The following STAC variants were observed in gnomAD, a reference collection of about 807,000 sequenced individuals.
The protein encoded by STAC is SH3 and cysteine rich domain.
A neutral mutation model predicts 48.8 loss-of-function variants in STAC; 43 were observed. That is an observed-to-expected ratio of 0.88 (90% confidence interval 0.69 to 1.14). The LOEUF is 1.14. Ranked by LOEUF, STAC falls within the 50% of genes most tolerant of loss-of-function variation. STAC has a pLI of 0.00. For synonymous variants in STAC, 193 were observed against 179.5 expected, an observed-to-expected ratio of 1.07 and a Z score of -0.60; for missense variants, 497 against 504.0, an observed-to-expected ratio of 0.99 and a Z score of 0.13.
At chr3:36,413,626 C>A (rs1700247159) in intron 1 of STAC, among the ~76,000 whole-genome samples, 1 of 152,148 alleles carries the variant, frequency 6.6e-6, no homozygotes. Flanking sequence ...GACTCTTTAT[C>A]CAATTTGCCA....
intron 1 of STAC, among the ~76,000 whole-genome samples, chr3:36,429,074 A>C (rs150541417): frequency 1.1e-3 from 169 of 152,310 alleles, no homozygotes; most frequent in African/African-American, 3.8e-3. Flanking sequence ...TATATTTTGA[A>C]AGTCTCATTG....
intron 3 of STAC, 37 bp from the exon 4 acceptor site, chr3:36,484,940 T>C: frequency 6.5e-7 from 1 of 1,527,310 alleles, no homozygotes; most frequent in Non-Finnish European, 8.9e-7. Context: ...CCATCTCCAG[T>C]GACATTAACC....
chr3:36,398,359 G>GAAAGAAAGA (rs1559477005), intron 1 of STAC, among the ~76,000 whole-genome samples: 2 of 131,668 alleles, frequency 1.5e-5, no homozygotes, highest in Non-Finnish European at 3.3e-5. Context: ...AAGAAAGAAA[G>GAAAGAAAGA]AAAGAAAGAA....
chr3:36,502,682 G>A (rs1698308587), intron 6 of STAC, among the ~76,000 whole-genome samples: 1 of 152,106 alleles, frequency 6.6e-6, no homozygotes, highest in African/African-American at 2.4e-5. Context: ...TTTCAGAGGT[G>A]TCCAGTTTTA....
chr3:36,458,635 G>A (rs574489300), intron 2 of STAC, among the ~76,000 whole-genome samples: 12 of 152,202 alleles, frequency 7.9e-5, no homozygotes, highest in African/African-American at 2.6e-4. Context: ...CTAGTTTATC[G>A]GTAAAATGAG....
chr3:36,501,084 C>T (rs1698272317), intron 6 of STAC, among the ~76,000 whole-genome samples: 1 of 152,062 alleles, frequency 6.6e-6, no homozygotes, highest in South Asian at 2.1e-4. Flanking sequence ...AGAACAAGAC[C>T]TTGTCTCAAA....
Position 36,546,257 on chromosome 3 carries a change from C to T in STAC, c.1177C>T (p.Leu393Phe). 6.2e-7 allele frequency: 1 copy of T among 1,614,062 alleles called. No individual in the cohort carries two copies. Among genetic ancestry groups the T allele is most frequent in the Middle Eastern group, 1.7e-4 (1 of 6,060 alleles). The change falls in exon 11 of 11, where the codon CTC becomes TTC. Residue 393 changes from leucine (L) to phenylalanine (F), a missense_variant. Leu to Phe is a conservative substitution (Grantham distance 22). Transcript: ENST00000273183. ...AGTCCTCAGTGGAAAAAAGAAAGGC[C>T]TCATCCCCCTTGATGTACTAGAAAA... is the stretch of plus-strand genomic sequence containing the variant. The part of the protein sequence containing the change: ...IRVLSGKKKG[L>F]IPLDVLENI
intron 8 of STAC, among the ~76,000 whole-genome samples, chr3:36,512,169 A>C (rs1352062586): frequency 2.0e-5 from 3 of 152,142 alleles, no homozygotes; most frequent in Admixed American, 2.0e-4. Context: ...TAAAATCGTC[A>C]TGCTGAACTC....
intron 8 of STAC, among the ~76,000 whole-genome samples, chr3:36,517,195 C>G (rs1384924451): frequency 6.6e-6 from 1 of 152,144 alleles, no homozygotes; most frequent in Admixed American, 6.5e-5. Context: ...CCAGGTTCTC[C>G]TATCAGGGTA....
At chr3:36,407,701 C>T (rs1018575830) in intron 1 of STAC, among the ~76,000 whole-genome samples, 6 of 152,212 alleles carry the variant, frequency 3.9e-5, no homozygotes, top group African/African-American at 1.4e-4. Context: ...GTTTATTTCT[C>T]ATTCATCCAA....
At chr3:36,438,991 TTTGC>T (rs1311148634) in intron 1 of STAC, among the ~76,000 whole-genome samples, 3 of 152,164 alleles carry the variant, frequency 2.0e-5, no homozygotes, top group Non-Finnish European at 4.4e-5. Flanking sequence ...AAAAAGCAGA[TTTGC>T]TTTCCTGCTC....
At chr3:36,426,384 A>C (rs1177366374) in intron 1 of STAC, among the ~76,000 whole-genome samples, 1 of 152,238 alleles carries the variant, frequency 6.6e-6, no homozygotes, top group Non-Finnish European at 1.5e-5. Context: ...TTGCTGCTCT[A>C]ATTCTCCAAG....
intron 8 of STAC, among the ~76,000 whole-genome samples, chr3:36,524,584 T>G (rs1182947013): frequency 6.6e-6 from 1 of 151,778 alleles, no homozygotes; most frequent in African/African-American, 2.4e-5. Flanking sequence ...AGAGTGAAAC[T>G]CCATCTCAAA....
At chr3:36,419,640 CAG>C (rs879864602) in intron 1 of STAC, among the ~76,000 whole-genome samples, 2 of 152,028 alleles carry the variant, frequency 1.3e-5, no homozygotes, top group Admixed American at 6.5e-5. Context: ...AATGGCCTGA[CAG>C]AAAGTTTTTT....
chr3:36,405,622 T>C (rs1487513260), intron 1 of STAC, among the ~76,000 whole-genome samples: 2 of 152,170 alleles, frequency 1.3e-5, no homozygotes, highest in African/African-American at 2.4e-5. Flanking sequence ...ATATATGATA[T>C]AGCTAAATCC....
At chr3:36,393,308 T>G (rs2125618500) in intron 1 of STAC, among the ~76,000 whole-genome samples, 1 of 152,274 alleles carries the variant, frequency 6.6e-6, no homozygotes, top group South Asian at 2.1e-4. Context: ...TGTCCCTTTG[T>G]TCAGCATCAC....
chr3:36,538,980 T>C (rs982755869), intron 10 of STAC, among the ~76,000 whole-genome samples: 4 of 152,208 alleles, frequency 2.6e-5, no homozygotes, highest in Non-Finnish European at 5.9e-5. Context: ...TGGTTTACCA[T>C]GTTTCCTTTA....
intron 1 of STAC, among the ~76,000 whole-genome samples, chr3:36,413,358 C>T (rs1004934139): frequency 1.3e-5 from 2 of 152,130 alleles, no homozygotes; most frequent in Non-Finnish European, 2.9e-5. Context: ...CTGGGTGTTC[C>T]TGTATTGGGT....
intron 1 of STAC, among the ~76,000 whole-genome samples, chr3:36,388,948 A>G (rs1420506925): frequency 6.6e-6 from 1 of 152,164 alleles, no homozygotes; most frequent in Non-Finnish European, 1.5e-5. Context: ...TGGAAGTTTT[A>G]TATTTATCTG....
Sources: gnomAD v4.1 joint callset for allele counts (sites outside exome capture counted in the v4.1 genomes callset) on GRCh38, gnomAD v4.1.1 for gene constraint, MANE v1.5 for transcripts, NCBI Gene and HGNC (gene_info 2026-07-23, HGNC 2026-07-21) for gene names.